Variants in ULK4 observed in about 807,000 individuals in gnomAD.
ULK4 encodes the protein inactive serine/threonine-protein kinase ULK4.
Under a neutral mutation model 160.6 loss-of-function variants are expected in ULK4, and 133 were observed. The ratio of observed to expected loss-of-function variants is 0.83; its 90% CI spans 0.72 to 0.96. The LOEUF (loss-of-function observed/expected upper bound fraction) is 0.96, where lower values mean the gene tolerates loss of function less well. Ranked by LOEUF, ULK4 falls within the 40% of genes least tolerant of loss-of-function variation. The pLI is 0.00. For synonymous variants in ULK4, 534 were observed against 539.8 expected (o/e 0.99, Z 0.15); for missense variants, 1,580 against 1,499.5 (o/e 1.05, Z -0.89).
At chr3:41,753,086 G>A (rs2038683323) in intron 22 of ULK4, among the ~76,000 whole-genome samples, 1 of 152,072 alleles carries the variant, frequency 6.6e-6, no homozygotes, top group African/African-American at 2.4e-5. Flanking sequence ...ATGATGGCAT[G>A]CACCTGTAGT....
chr3:41,590,461 C>CAAAAAAAAAAAAAAAAAA (rs71075479), intron 31 of ULK4, among the ~76,000 whole-genome samples: 1 of 56,874 alleles, frequency 1.8e-5, no homozygotes, highest in Non-Finnish European at 3.2e-5. Context: ...ACTAAAAATA[C>CAAAAAAAAAAAAAAAAAA]AAAAAAAAAA....
At chr3:41,528,332 G>A (rs532193281) in intron 32 of ULK4, among the ~76,000 whole-genome samples, 2 of 152,086 alleles carry the variant, frequency 1.3e-5, no homozygotes, top group South Asian at 4.2e-4. Context: ...ATGGTTTTCC[G>A]TTAGAACCTA....
At chr3:41,664,212 A>G (rs553630255) in intron 29 of ULK4, among the ~76,000 whole-genome samples, 23 of 152,348 alleles carry the variant, frequency 1.5e-4, no homozygotes, top group Non-Finnish European at 2.9e-4. Context: ...TAAGAGATCA[A>G]TAAACATTAG....
intron 32 of ULK4, among the ~76,000 whole-genome samples, chr3:41,496,796 G>A (rs1303358738): frequency 1.3e-5 from 2 of 151,990 alleles, no homozygotes; most frequent in African/African-American, 4.8e-5. Flanking sequence ...AACTACTCTA[G>A]GTATTCAACT....
At chr3:41,456,192 G>C (rs752504199) in intron 33 of ULK4, among the ~76,000 whole-genome samples, 1 of 152,190 alleles carries the variant, frequency 6.6e-6, no homozygotes, top group Non-Finnish European at 1.5e-5. Context: ...TTGCAGATGT[G>C]AGCCACCGCG....
intron 21 of ULK4, among the ~76,000 whole-genome samples, chr3:41,770,992 T>G (rs898979398): frequency 1.1e-4 from 17 of 152,330 alleles, no homozygotes; most frequent in African/African-American, 4.1e-4. Flanking sequence ...CACGAAGACC[T>G]GTAGATTGAA....
At chr3:41,648,525 C>T (rs1056843028) in intron 30 of ULK4, among the ~76,000 whole-genome samples, 4 of 152,150 alleles carry the variant, frequency 2.6e-5, no homozygotes, top group African/African-American at 7.2e-5. Flanking sequence ...AATAAGAATT[C>T]AATACCTTGT....
intron 32 of ULK4, among the ~76,000 whole-genome samples, chr3:41,488,888 T>C (rs2084642557): frequency 6.6e-6 from 1 of 151,930 alleles, no homozygotes; most frequent in Admixed American, 6.6e-5. Context: ...AAATCAAGGA[T>C]ATAAAAAATA....
At chr3:41,692,358 T>A (rs1367577066) in intron 27 of ULK4, among the ~76,000 whole-genome samples, 4 of 152,114 alleles carry the variant, frequency 2.6e-5, no homozygotes, top group Non-Finnish European at 5.9e-5. Flanking sequence ...CTTTGCTCAC[T>A]GGTACGGGGT....
chr3:41,282,298 A>G (rs1445247627), intron 35 of ULK4, among the ~76,000 whole-genome samples: 5 of 152,216 alleles, frequency 3.3e-5, no homozygotes, highest in Non-Finnish European at 7.4e-5. Context: ...GGAAAAAACT[A>G]CTTTAAAGTT....
chr3:41,896,545 C>T (rs532297900), intron 15 of ULK4, among the ~76,000 whole-genome samples: 8 of 152,272 alleles, frequency 5.3e-5, no homozygotes, highest in Non-Finnish European at 7.4e-5. Flanking sequence ...TGAGCCACTA[C>T]GCCCAGCCTG....
chr3:41,271,933 T>C (rs2079144716), intron 35 of ULK4, among the ~76,000 whole-genome samples: 1 of 152,152 alleles, frequency 6.6e-6, no homozygotes. Context: ...ATTTTACTTT[T>C]TGAGATGGAG....
intron 22 of ULK4, among the ~76,000 whole-genome samples, chr3:41,725,462 G>A (rs2037618650): frequency 1.3e-5 from 2 of 151,980 alleles, no homozygotes; most frequent in African/African-American, 4.8e-5. Context: ...CTCCCAGATA[G>A]CATTTCTCTG....
rs138168386 is a variant in ULK4 at position 41,562,170 on chromosome 3, T to G, written c.3226+3855A>C. ...TTCTGTTTCCATGTAGTCGTGCAGT[T>G]TTGAGTGAGTTTCCTAATCCTGAGT... is the stretch of plus-strand genomic sequence containing the variant. On this transcript the variant is annotated intron_variant, in intron 32 of 36. Coordinates refer to ENST00000301831, the MANE Select transcript of ULK4 (RefSeq NM_017886.4). Among the ~76,000 whole-genome samples, 57 of 152,328 alleles carry G rather than the reference T, an allele frequency of 3.7e-4. No homozygotes were observed. The East Asian group carries it at 9.6e-3, about 26-fold the overall frequency.
chr3:41,727,153 G>A (rs2037680441), intron 22 of ULK4, among the ~76,000 whole-genome samples: 1 of 152,146 alleles, frequency 6.6e-6, no homozygotes, highest in Non-Finnish European at 1.5e-5. Flanking sequence ...CTTCTATTAA[G>A]ACCTCCTGCT....
chr3:41,397,440 C>A (rs2125814009), intron 35 of ULK4, among the ~76,000 whole-genome samples: 1 of 152,178 alleles, frequency 6.6e-6, no homozygotes, highest in Non-Finnish European at 1.5e-5. Context: ...CAGTGAGGGG[C>A]AAACAGCCAC....
chr3:41,914,825 A>G (rs1698913308), intron 8 of ULK4: 1 of 152,154 alleles, frequency 6.6e-6, no homozygotes, highest in South Asian at 2.1e-4. Flanking sequence ...CGAGACCAGC[A>G]TAGCCAACAT....
intron 35 of ULK4, among the ~76,000 whole-genome samples, chr3:41,314,079 T>C (rs1262948642): frequency 1.3e-5 from 2 of 152,198 alleles, no homozygotes; most frequent in Non-Finnish European, 2.9e-5. Context: ...GTCTTTGAGA[T>C]GTGCCAGCTG....
intron 17 of ULK4, among the ~76,000 whole-genome samples, chr3:41,860,533 A>G (rs2042475826): frequency 1.3e-5 from 2 of 152,202 alleles, no homozygotes; most frequent in African/African-American, 4.8e-5. Context: ...TAATGTAAAT[A>G]TAACTACTCC....
Sources: allele counts gnomAD v4.1 joint callset (sites outside exome capture counted in the v4.1 genomes callset), GRCh38; gene constraint gnomAD v4.1.1; transcripts MANE v1.5; gene names NCBI Gene and HGNC (gene_info 2026-07-23, HGNC 2026-07-21).